The following FMNL3 variants were observed in gnomAD, a reference collection of about 807,000 sequenced individuals.
The protein encoded by FMNL3 is formin-like protein 3.
FMNL3 carries 57 observed loss-of-function variants against 119.6 expected under a neutral mutation model. That is an observed-to-expected ratio of 0.48 (90% CI 0.39 to 0.59). FMNL3 has a LOEUF of 0.59. Among genes scored for constraint, FMNL3 ranks in the 20% least tolerant of loss-of-function variants. The pLI is 0.00. For missense variants in FMNL3, 1,053 were observed against 1,323.5 expected (o/e 0.80, Z 3.17); for synonymous variants, 491 against 507.3 (o/e 0.97, Z 0.43).
intron 1 of FMNL3, among the ~76,000 whole-genome samples, chr12:49,682,969 G>T (rs1944373843): frequency 6.6e-6 from 1 of 152,158 alleles, no homozygotes; most frequent in Non-Finnish European, 1.5e-5. Flanking sequence ...ATATGGGAGA[G>T]ATTTTGCCAG....
At chr12:49,679,735 G>GGTCTCGAGCTCCCA (rs1944288761) in intron 1 of FMNL3, among the ~76,000 whole-genome samples, 1 of 151,910 alleles carries the variant, frequency 6.6e-6, no homozygotes, top group African/African-American at 2.4e-5. Flanking sequence ...TGTCCAGGCT[G>GGTCTCGAGCTCCCA]GTCTCGAGCT....
intron 1 of FMNL3, among the ~76,000 whole-genome samples, chr12:49,679,511 A>C (rs1944279708): frequency 7.4e-6 from 1 of 134,592 alleles, no homozygotes; most frequent in South Asian, 2.3e-4. Flanking sequence ...TTGGAACAGC[A>C]TTTGTGTCTT....
At position 49,649,348 on chromosome 12, in the gene FMNL3, A is replaced by G; in HGVS notation, c.2305-9T>C. On this transcript the variant is annotated splice_polypyrimidine_tract_variant and intron_variant, in intron 19 of 25. Transcript: ENST00000335154. This position sits in a 1 kb window ranked among gnomAD's most constrained non-coding sequence, Gnocchi z 5.6. ...CCCAGTGCAAGTATGATCTGTCCAA[A>G]GAATGTGTGGGAGGCAGGTCAGGCT... The G allele has an allele frequency of 6.2e-7, 1 of 1,614,134 alleles. No individual in the cohort carries two copies. Among genetic ancestry groups the G allele is most frequent in the Non-Finnish European group, 8.5e-7 (1 of 1,180,028 alleles).
In FMNL3 at chr12:49,655,111, T is replaced by A. The variant is rs79034501; in HGVS notation, c.886-127A>T. 5.1e-6 allele frequency: 4 copies of A among 790,108 alleles called. No homozygotes were observed. In the South Asian group the frequency reaches 5.1e-5, roughly 10 times the overall value. 48.9% of individuals were successfully genotyped at this position (790,108 alleles called of 1,614,324 possible). A position where few individuals can be genotyped will look rare whatever the true frequency, so the allele number is the denominator to read the frequency against. On this transcript the variant is annotated intron_variant, in intron 9 of 25. Transcript: ENST00000335154. Reference sequence around the variant, plus strand: ...CCAAGCTTAACCACAGCTCTATATATGAAATAGGCCATTCTGGACACTATA... The same window carrying A: ...CCAAGCTTAACCACAGCTCTATATAAGAAATAGGCCATTCTGGACACTATA...
intron 1 of FMNL3, among the ~76,000 whole-genome samples, chr12:49,685,014 TGGGCCTCACTTCA>T (rs959927331): frequency 2.6e-5 from 4 of 152,190 alleles, no homozygotes; most frequent in African/African-American, 9.7e-5. Context: ...GAACATTGTC[TGGGCCTCACTTCA>T]GGGCTGGCAT....
chr12:49,670,469 G>A (rs1192058436), intron 1 of FMNL3, among the ~76,000 whole-genome samples: 1 of 152,092 alleles, frequency 6.6e-6, no homozygotes, highest in African/African-American at 2.4e-5. Flanking sequence ...AGAGGTCCCA[G>A]GTCTGAGCTA....
Position 49,677,514 on chromosome 12 carries a change from A to G in FMNL3, c.127-8960T>C, listed in dbSNP as rs549568881. On this transcript the variant is annotated intron_variant, in intron 1 of 25. Transcript: ENST00000335154. ...ATAGTGTTGCTATGATGATTAAATA[A>G]GTTAATATATGTAAAGCATTTAAAT... Among the ~76,000 whole-genome samples, 14 of 152,374 alleles carry G rather than the reference A, an allele frequency of 9.2e-5. No individual in the cohort carries two copies. In the South Asian group the frequency reaches 2.7e-3, roughly 29 times the overall value.
intron 8 of FMNL3, 128 bp from the exon 9 acceptor site, chr12:49,656,625 A>G: frequency 1.1e-6 from 1 of 931,642 alleles, no homozygotes; most frequent in Non-Finnish European, 1.6e-6. Flanking sequence ...AGAGGGTGGG[A>G]GAAAGAGGGC....
chr12:49,666,036 G>T, intron 3 of FMNL3, 91 bp downstream of exon 3: 1 of 1,537,826 alleles, frequency 6.5e-7, no homozygotes, highest in Non-Finnish European at 9.0e-7. Context: ...CTCAGAAACA[G>T]ATGTCCAATA....
chr12:49,685,178 GC>G (rs1424968466), intron 1 of FMNL3, among the ~76,000 whole-genome samples: 1 of 152,120 alleles, frequency 6.6e-6, no homozygotes, highest in Non-Finnish European at 1.5e-5. Context: ...CTTGGTAAAC[GC>G]CCCCAGTTTT....
chr12:49,672,363 G>A (rs930982370), intron 1 of FMNL3, among the ~76,000 whole-genome samples: 2 of 152,202 alleles, frequency 1.3e-5, no homozygotes, highest in African/African-American at 4.8e-5. Context: ...GTCACAATAG[G>A]AGATGTGAGG....
Position 49,644,882 on chromosome 12 carries a change from A to C in FMNL3, c.*933T>G. 6.5e-6 allele frequency: 1 copy of C among 152,706 alleles called. No individual in the cohort carries two copies. The highest frequency in any genetic ancestry group is 1.9e-4 in the East Asian group (1 of 5,198). The allele number at this position is 152,706 out of a possible 1,614,324, so 9.5% of individuals were successfully genotyped here. A position where few individuals can be genotyped will look rare whatever the true frequency, so the allele number is the denominator to read the frequency against. ...CTATCCCCATAGCCCAGGTCAGACT[A>C]AATGGCCACCCTAGCCCCCTAAGCT... On this transcript the variant is annotated 3_prime_UTR_variant, in exon 26 of 26. Coordinates refer to ENST00000335154, the MANE Select transcript of FMNL3 (RefSeq NM_175736.5).
intron 4 of FMNL3, among the ~76,000 whole-genome samples, chr12:49,665,118 C>G (rs561089060): frequency 1.9e-4 from 29 of 152,142 alleles, no homozygotes; most frequent in Non-Finnish European, 4.4e-5. Context: ...TTTGCATATA[C>G]CTTTGCTGAT....
At chr12:49,675,620 A>G (rs1944165258) in intron 1 of FMNL3, among the ~76,000 whole-genome samples, 1 of 152,098 alleles carries the variant, frequency 6.6e-6, no homozygotes, top group Admixed American at 6.5e-5. Flanking sequence ...TCCCACTGTC[A>G]TCACCTGGGT....
chr12:49,658,315 C>G, intron 6 of FMNL3, 127 bp downstream of exon 6: 5 of 1,333,926 alleles, frequency 3.7e-6, no homozygotes, highest in Non-Finnish European at 5.0e-6. Context: ...GACTGGCAGG[C>G]AGAGGGCAAG....
In FMNL3 at chr12:49,642,928, A is replaced by G; in HGVS notation, c.*2887T>C. 6.2e-7 allele frequency: 1 copy of G among 1,612,870 alleles called. No homozygotes were observed. Among genetic ancestry groups the G allele is most frequent in the Non-Finnish European group, 8.5e-7 (1 of 1,179,342 alleles). Reference sequence around the variant, plus strand: ...TCACCCTTCTTCCTCTGCCTCTAGCAGACTGAATGCCAGCACCTCCACACC... The same window carrying G: ...TCACCCTTCTTCCTCTGCCTCTAGCGGACTGAATGCCAGCACCTCCACACC... On this transcript the variant is annotated 3_prime_UTR_variant, in exon 26 of 26. Coordinates refer to ENST00000335154, the MANE Select transcript of FMNL3 (RefSeq NM_175736.5). The surrounding 1 kb of genome is among the most constrained non-coding windows in gnomAD (Gnocchi z 5.8).
chr12:49,689,462 G>A (rs1350535384), intron 1 of FMNL3, among the ~76,000 whole-genome samples: 4 of 152,264 alleles, frequency 2.6e-5, no homozygotes, highest in South Asian at 2.1e-4. Flanking sequence ...GGCTAGGCAC[G>A]ATGGCTCATG....
In FMNL3 at chr12:49,647,309, C is replaced by T. The variant is rs1943234901; in HGVS notation, c.2838G>A (p.Gln946=). 1.2e-6 allele frequency: 2 copies of T among 1,613,906 alleles called. No homozygotes were observed. The highest frequency in any genetic ancestry group is 1.3e-5 in the African/African-American group (1 of 74,920). ...CCAGTTTCTTGGCTTCCTGAGCCAG[C>T]TGCTTCTCCCGCATTACCTCCTCCT... ...KKQEEVMREK[Q]LAQEAKKLDA... The change falls in exon 24 of 26, where the codon CAG becomes CAA. Residue 946 remains glutamine (Q), a synonymous_variant. Transcript: ENST00000335154. This position sits in a 1 kb window ranked among gnomAD's most constrained non-coding sequence, Gnocchi z 4.9.
In FMNL3 at chr12:49,653,244, C is replaced by T. The variant is rs1943463706; in HGVS notation, c.1305G>A (p.Lys435=). 1 of 1,613,994 alleles carries T rather than the reference C, an allele frequency of 6.2e-7. No homozygotes were observed. The highest frequency in any genetic ancestry group is 8.5e-7 in the Non-Finnish European group (1 of 1,180,036). ...CTTGTACCTTGATGCTCTCTAGTTCCTTCTCCCGCTGTAGCAGCTGCTTCT... is the reference window on the plus strand; with the variant it reads ...CTTGTACCTTGATGCTCTCTAGTTCTTTCTCCCGCTGTAGCAGCTGCTTCT... ...ELEKQLLQRE[K]ELESIKETYE... The change falls in exon 13 of 26, where the codon AAG becomes AAA. Residue 435 remains lysine, a synonymous_variant. Coordinates refer to ENST00000335154, the MANE Select transcript of FMNL3 (RefSeq NM_175736.5).
Sources: gnomAD v4.1 joint callset for allele counts (sites outside exome capture counted in the v4.1 genomes callset) on GRCh38, gnomAD v4.1.1 for gene constraint, Gnocchi (gnomAD v3.1) non-coding constraint, MANE v1.5 for transcripts, NCBI Gene and HGNC (gene_info 2026-07-23, HGNC 2026-07-21) for gene names.